Variants in CA10 observed in about 807,000 individuals in gnomAD.
CA10 encodes carbonic anhydrase 10 (inactive), also known as carbonic anhydrase-related protein 10.
A neutral mutation model predicts 44.2 loss-of-function variants in CA10; 14 were observed. The ratio of observed to expected loss-of-function variants is 0.32; its 90% CI spans 0.21 to 0.50. CA10 has a LOEUF of 0.50. CA10 is among the 20% of genes least tolerant of loss of function. CA10 has a pLI of 0.99. For missense variants in CA10, 350 were observed against 409.7 expected, an observed-to-expected ratio of 0.85 and a Z score of 1.26; for synonymous variants, 159 against 141.6, an observed-to-expected ratio of 1.12 and a Z score of -0.87.
intron 1 of CA10, among the ~76,000 whole-genome samples, chr17:52,088,208 C>T (rs1410110579): frequency 6.6e-6 from 1 of 152,020 alleles, no homozygotes; most frequent in Non-Finnish European, 1.5e-5. Context: ...CAAACCTGCA[C>T]ATGTACCCTT....
At position 51,814,271 on chromosome 17, in the gene CA10, A is replaced by C. The variant is rs1306854053; in HGVS notation, c.280-66453T>G. Among the ~76,000 whole-genome samples the C allele has an allele frequency of 3.9e-5, 6 of 152,222 alleles. 1 individual carries two copies. Among genetic ancestry groups the C allele is most frequent in the Non-Finnish European group, 8.8e-5 (6 of 68,038 alleles). On this transcript the variant is annotated intron_variant, in intron 3 of 8. Transcript: ENST00000451037. ...TATAACTCTTCAGAGTTTACAAAGCACTTTCTCAAGTGTCTTCTTAATCTC... is the reference window on the plus strand; with the variant it reads ...TATAACTCTTCAGAGTTTACAAAGCCCTTTCTCAAGTGTCTTCTTAATCTC...
At chr17:51,636,105 T>C in intron 6 of CA10, 96 bp from the exon 7 acceptor site, 3 of 632,174 alleles carry the variant, frequency 4.7e-6, no homozygotes, top group East Asian at 2.8e-5. Flanking sequence ...CATATACATA[T>C]ACATACATAT....
intron 3 of CA10, among the ~76,000 whole-genome samples, chr17:51,877,287 C>G (rs960002931): frequency 6.6e-6 from 1 of 152,158 alleles, no homozygotes. Flanking sequence ...AGAAATAAAA[C>G]TTTGTTTAAA....
intron 2 of CA10, among the ~76,000 whole-genome samples, chr17:51,939,599 T>G (rs572449822): frequency 6.6e-6 from 1 of 152,206 alleles, no homozygotes; most frequent in Non-Finnish European, 1.5e-5. Flanking sequence ...TATTATTTAT[T>G]TTTAGCAATC....
At chr17:51,722,218 G>A (rs2143533789) in intron 4 of CA10, among the ~76,000 whole-genome samples, 2 of 152,258 alleles carry the variant, frequency 1.3e-5, no homozygotes, top group South Asian at 4.2e-4. Context: ...TTTACAGCAT[G>A]ATTTCAGAGA....
chr17:51,961,188 A>AACTCACACACACAC (rs146330814), intron 2 of CA10, among the ~76,000 whole-genome samples: 2 of 145,004 alleles, frequency 1.4e-5, no homozygotes, highest in African/African-American at 5.1e-5. Flanking sequence ...TGTACACACA[A>AACTCACACACACAC]ACACACACAC....
At chr17:51,824,128 G>T (rs1024685101) in intron 3 of CA10, among the ~76,000 whole-genome samples, 3 of 152,176 alleles carry the variant, frequency 2.0e-5, no homozygotes, top group African/African-American at 7.2e-5. Flanking sequence ...CATAATAGGT[G>T]CTCAATAAAT....
chr17:52,151,724 G>A (rs1022589694), intron 1 of CA10, among the ~76,000 whole-genome samples: 1 of 152,116 alleles, frequency 6.6e-6, no homozygotes, highest in Middle Eastern at 3.2e-3. Flanking sequence ...TTTTATGGGA[G>A]CAACTTCAAT....
chr17:51,825,168 T>G (rs1598064831), intron 3 of CA10, among the ~76,000 whole-genome samples: 1 of 152,246 alleles, frequency 6.6e-6, no homozygotes, highest in Admixed American at 6.5e-5. Flanking sequence ...AGAGCCTCGC[T>G]GCATTTTCCT....
chr17:51,816,033 ATT>A (rs1284488908), intron 3 of CA10, among the ~76,000 whole-genome samples: 1 of 151,738 alleles, frequency 6.6e-6, no homozygotes, highest in Non-Finnish European at 1.5e-5. Context: ...ATTCTTTCTA[ATT>A]TTTTTGTACC....
At chr17:51,751,998 A>G (rs997178104) in intron 3 of CA10, among the ~76,000 whole-genome samples, 2 of 152,146 alleles carry the variant, frequency 1.3e-5, no homozygotes, top group African/African-American at 2.4e-5. Flanking sequence ...ACACTCCATT[A>G]TGGAGAGACC....
chr17:51,955,955 T>C (rs1327939308), intron 2 of CA10, among the ~76,000 whole-genome samples: 1 of 152,148 alleles, frequency 6.6e-6, no homozygotes. Flanking sequence ...GTAACAAACC[T>C]GCACATTCTG....
At chr17:51,786,182 A>AT (rs751618438) in intron 3 of CA10, among the ~76,000 whole-genome samples, 4 of 149,662 alleles carry the variant, frequency 2.7e-5, no homozygotes, top group Non-Finnish European at 4.4e-5. Context: ...TACTTTACTG[A>AT]TTTTTTAATG....
chr17:51,869,305 G>C (rs1979701490), intron 3 of CA10, among the ~76,000 whole-genome samples: 1 of 152,130 alleles, frequency 6.6e-6, no homozygotes, highest in South Asian at 2.1e-4. Flanking sequence ...CCAATGTCAT[G>C]GAAAGAGTAG....
chr17:51,731,143 C>T (rs1341403112), intron 4 of CA10, among the ~76,000 whole-genome samples: 1 of 152,062 alleles, frequency 6.6e-6, no homozygotes, highest in Non-Finnish European at 1.5e-5. Context: ...CTTTGGGAGG[C>T]CAAGGTGGGT....
chr17:51,982,412 T>C (rs1657781887), intron 2 of CA10, among the ~76,000 whole-genome samples: 1 of 151,960 alleles, frequency 6.6e-6, no homozygotes, highest in African/African-American at 2.4e-5. Flanking sequence ...CTGTCACTTA[T>C]GATGGAGCCT....
At chr17:51,987,841 A>AATG (rs1984897675) in intron 2 of CA10, among the ~76,000 whole-genome samples, 1 of 150,232 alleles carries the variant, frequency 6.7e-6, no homozygotes, top group African/African-American at 2.4e-5. Context: ...TGTCATCAGC[A>AATG]GACTTGCCAT....
rs1357557408 is a variant in CA10, at chr17:51,836,608, G to A, written c.280-88790C>T. Among the ~76,000 whole-genome samples the A allele has an allele frequency of 2.6e-5, 4 of 152,194 alleles. No homozygotes were observed. In the East Asian group the frequency reaches 7.7e-4, roughly 29 times the overall value. ...CCACCAGGTAGTAAAGGCTCTGAGA[G>A]AAGAAAAAGACATGGGTTCATGCAT... On this transcript the variant is annotated intron_variant, in intron 3 of 8. Coordinates refer to ENST00000451037, the MANE Select transcript of CA10 (RefSeq NM_020178.5).
chr17:52,071,366 T>C (rs1389031839), intron 2 of CA10, among the ~76,000 whole-genome samples: 3 of 152,196 alleles, frequency 2.0e-5, no homozygotes, highest in Admixed American at 6.5e-5. Context: ...TGCCCCATCA[T>C]ACAAATGAGA....
Sources: gnomAD v4.1 joint callset for allele counts (sites outside exome capture counted in the v4.1 genomes callset) on GRCh38, gnomAD v4.1.1 for gene constraint, MANE v1.5 for transcripts, NCBI Gene and HGNC (gene_info 2026-07-23, HGNC 2026-07-21) for gene names.